The following CNBD1 variants were observed in gnomAD, a reference collection of about 807,000 sequenced individuals.
CNBD1 encodes cyclic nucleotide-binding domain-containing protein 1.
In CNBD1, 71 loss-of-function variants were observed where a neutral mutation model predicts 54.4. The observed-to-expected ratio is 1.30, with a 90% CI of 1.08 to 1.59. The LOEUF (loss-of-function observed/expected upper bound fraction) is 1.59, where lower values mean the gene tolerates loss of function less well. CNBD1 is among the 40% of genes most tolerant of loss of function. CNBD1 has a pLI of 0.00. For missense variants in CNBD1, 659 were observed against 518.0 expected (o/e 1.27, Z -2.64); for synonymous variants, 182 against 170.7 (o/e 1.07, Z -0.51).
At chr8:87,308,348 A>C (rs1475026260) in intron 8 of CNBD1, among the ~76,000 whole-genome samples, 1 of 152,200 alleles carries the variant, frequency 6.6e-6, no homozygotes, top group Non-Finnish European at 1.5e-5. Context: ...TCTGGGAGTC[A>C]GACATTTCAT....
rs149804736 is a variant in CNBD1 at position 86,879,238 on chromosome 8, G to C, written c.89-8304G>C. Among the ~76,000 whole-genome samples, 835 of 152,042 alleles carry C rather than the reference G, an allele frequency of 5.5e-3. 11 individuals are homozygous for C. Among genetic ancestry groups the C allele is most frequent in the African/African-American group, 0.019 (773 of 41,500 alleles). On this transcript the variant is annotated intron_variant, in intron 1 of 10. Transcript: ENST00000518476. ...AATATTATTTAAATCCAATCATTAT[G>C]ATAAGTTCTAGTGTTTTGGTTCAAG...
rs184585934 is a variant in CNBD1 at position 87,172,078 on chromosome 8, A to G, written c.432-33915A>G. The stretch of plus-strand genomic sequence containing the variant: ...TTCAATTTTCTTCTTAATTTCTTCA[A>G]TGATTCAATGGACATTCAGGAGCAT... On this transcript the variant is annotated intron_variant, in intron 4 of 10. Transcript: ENST00000518476. Among the ~76,000 whole-genome samples, 99 of 152,072 alleles carry G rather than the reference A, an allele frequency of 6.5e-4. 1 individual carries two copies. In the East Asian group the frequency reaches 0.018, roughly 28 times the overall value.
In CNBD1 at chr8:86,977,234, C is replaced by T. The variant is rs116476223; in HGVS notation, c.431+37480C>T. Among the ~76,000 whole-genome samples the T allele has an allele frequency of 4.8e-3, 734 of 151,686 alleles. 4 individuals are homozygous for T. The highest frequency in any genetic ancestry group is 0.017 in the African/African-American group (686 of 41,390). On this transcript the variant is annotated intron_variant, in intron 4 of 10. Transcript: ENST00000518476. Reference sequence around the variant, plus strand: ...AACAAATTCTTTGGGTTTCCTGGATCTGGATTTCTATTTCCTTTCTCAGGC... The same window carrying T: ...AACAAATTCTTTGGGTTTCCTGGATTTGGATTTCTATTTCCTTTCTCAGGC...
chr8:87,419,717 G>A (rs1807895932), intron 2 of CNBD1, among the ~76,000 whole-genome samples: 1 of 151,724 alleles, frequency 6.6e-6, no homozygotes, highest in Admixed American at 6.6e-5. Context: ...TGAATACACT[G>A]AATATTTAGT....
intron 10 of CNBD1, among the ~76,000 whole-genome samples, chr8:87,356,052 A>G (rs1286922508): frequency 6.6e-6 from 1 of 152,048 alleles, no homozygotes; most frequent in Non-Finnish European, 1.5e-5. Context: ...CATGAATAAA[A>G]CCTTCCTGAG....
intron 8 of CNBD1, among the ~76,000 whole-genome samples, chr8:87,337,236 G>T (rs555665220): frequency 3.9e-5 from 6 of 152,264 alleles, no homozygotes; most frequent in East Asian, 1.9e-4. Context: ...TTGGTGGAGG[G>T]TGTTTGCTGT....
At chr8:87,188,249 C>G (rs751970603) in intron 4 of CNBD1, among the ~76,000 whole-genome samples, 1 of 152,186 alleles carries the variant, frequency 6.6e-6, no homozygotes, top group Non-Finnish European at 1.5e-5. Flanking sequence ...CCACTACTTT[C>G]CATGACACAT....
intron 4 of CNBD1, among the ~76,000 whole-genome samples, chr8:86,946,021 A>G (rs1807458393): frequency 6.6e-6 from 1 of 152,170 alleles, no homozygotes; most frequent in Admixed American, 6.5e-5. Flanking sequence ...ACCTCCAAAA[A>G]TTTTATTCAC....
At chr8:87,264,412 G>A (rs917994630) in intron 6 of CNBD1, among the ~76,000 whole-genome samples, 36 of 152,052 alleles carry the variant, frequency 2.4e-4, no homozygotes, top group Non-Finnish European at 4.6e-4. Flanking sequence ...TGGACATTTG[G>A]GTTTGTTCCA....
chr8:86,919,096 A>T (rs1382571953), intron 3 of CNBD1, among the ~76,000 whole-genome samples: 2 of 152,084 alleles, frequency 1.3e-5, no homozygotes, highest in Admixed American at 1.3e-4. Context: ...GTCATGTATC[A>T]ACAAGACTGA....
chr8:87,386,850 C>G (rs990282736), downstream of CNBD1, among the ~76,000 whole-genome samples: 1 of 152,110 alleles, frequency 6.6e-6, no homozygotes, highest in African/African-American at 2.4e-5. Context: ...TTCAGGGCAG[C>G]TAGAGAGAAA....
chr8:87,320,622 G>T (rs1389647028), intron 8 of CNBD1, among the ~76,000 whole-genome samples: 7 of 148,122 alleles, frequency 4.7e-5, no homozygotes, highest in Non-Finnish European at 3.0e-5. Context: ...GTGTGTGTGG[G>T]GGGGCGGCTC....
chr8:86,959,724 G>A (rs989108475), intron 4 of CNBD1, among the ~76,000 whole-genome samples: 1 of 152,066 alleles, frequency 6.6e-6, no homozygotes, highest in African/African-American at 2.4e-5. Flanking sequence ...TCTTCTCTAT[G>A]CTGTTTATTC....
At chr8:87,045,869 G>A (rs1457262988) in intron 4 of CNBD1, among the ~76,000 whole-genome samples, 1 of 151,498 alleles carries the variant, frequency 6.6e-6, no homozygotes, top group African/African-American at 2.4e-5. Context: ...GTGAAACCCC[G>A]TCTCTACTGA....
rs553814800 is a variant in CNBD1, at chr8:87,342,092, C to T, written c.1043-9593C>T. Among the ~76,000 whole-genome samples the T allele has an allele frequency of 3.9e-3, 595 of 151,996 alleles. 8 individuals carry two copies. Among genetic ancestry groups the T allele is most frequent in the African/African-American group, 0.013 (554 of 41,472 alleles). On this transcript the variant is annotated intron_variant, in intron 8 of 10. Transcript: ENST00000518476. ...ATCCAGACCATCCTGGCTAACACGG[C>T]GAAACCCTGTTTCTACTAAAAATAC... is the stretch of plus-strand genomic sequence containing the variant.
chr8:87,392,211 T>C (rs1296178187), intron 2 of CNBD1, among the ~76,000 whole-genome samples: 1 of 151,998 alleles, frequency 6.6e-6, no homozygotes, highest in East Asian at 1.9e-4. Context: ...TGTGGAAATG[T>C]GAAGGGGTAC....
chr8:87,230,403 T>C (rs1007094082), intron 5 of CNBD1, among the ~76,000 whole-genome samples: 1 of 152,188 alleles, frequency 6.6e-6, no homozygotes, highest in African/African-American at 2.4e-5. Flanking sequence ...TGTAGGTATA[T>C]ATTTATCTAT....
chr8:86,933,281 C>T (rs554581544), intron 3 of CNBD1, among the ~76,000 whole-genome samples: 1 of 151,936 alleles, frequency 6.6e-6, no homozygotes, highest in South Asian at 2.1e-4. Context: ...AGTTTGTATA[C>T]AAAACAAAAA....
At chr8:87,148,938 T>A (rs1812544741) in intron 4 of CNBD1, among the ~76,000 whole-genome samples, 1 of 152,176 alleles carries the variant, frequency 6.6e-6, no homozygotes, top group South Asian at 2.1e-4. Flanking sequence ...GCAATCTCCC[T>A]ATCTGATGAA....
Sources: allele counts gnomAD v4.1 joint callset (sites outside exome capture counted in the v4.1 genomes callset), GRCh38; gene constraint gnomAD v4.1.1; transcripts MANE v1.5; gene names NCBI Gene and HGNC (gene_info 2026-07-23, HGNC 2026-07-21).